The following DGKB variants were observed in gnomAD, a reference collection of about 807,000 sequenced individuals.
The protein encoded by DGKB is diacylglycerol kinase beta.
Under a neutral mutation model 114.3 loss-of-function variants are expected in DGKB, and 67 were observed. That is an observed-to-expected ratio of 0.59 (90% CI 0.48 to 0.72). DGKB has a LOEUF of 0.72. DGKB is among the 30% of genes least tolerant of loss of function. DGKB has a pLI of 0.00. For missense variants in DGKB, 907 were observed against 975.2 expected (o/e 0.93, Z 0.93); for synonymous variants, 398 against 323.1 (o/e 1.23, Z -2.49).
At chr7:14,176,481 C>G in intron 25 of DGKB, 1 of 999,892 alleles carries the variant, frequency 1.0e-6, no homozygotes, top group Non-Finnish European at 1.2e-6. Context: ...GCATTTCTTG[C>G]AAATAATATT....
chr7:14,883,648 T>C (rs1460187919), intron 1 of DGKB, among the ~76,000 whole-genome samples: 1 of 151,914 alleles, frequency 6.6e-6, no homozygotes, highest in East Asian at 1.9e-4. Flanking sequence ...TATTCATACT[T>C]TTGAACAAAT....
At chr7:14,239,902 T>C (rs759862932) in intron 23 of DGKB, among the ~76,000 whole-genome samples, 1 of 152,098 alleles carries the variant, frequency 6.6e-6, no homozygotes, top group Non-Finnish European at 1.5e-5. Flanking sequence ...AGGGGACTAA[T>C]ACGTATCTAT....
chr7:14,426,858 C>T (rs1043370585), intron 21 of DGKB, among the ~76,000 whole-genome samples: 4 of 151,570 alleles, frequency 2.6e-5, no homozygotes, highest in African/African-American at 9.7e-5. Context: ...GGTTTGAGAC[C>T]AGCCTGGCCA....
At chr7:14,153,463 A>C (rs1782523371) in intron 25 of DGKB, among the ~76,000 whole-genome samples, 1 of 152,022 alleles carries the variant, frequency 6.6e-6, no homozygotes, top group African/African-American at 2.4e-5. Context: ...AGCTGTCAAC[A>C]CCCTTATTTT....
intron 25 of DGKB, among the ~76,000 whole-genome samples, chr7:14,164,843 C>T (rs750345636): frequency 6.6e-6 from 1 of 151,992 alleles, no homozygotes; most frequent in Non-Finnish European, 1.5e-5. Flanking sequence ...TATAACAATA[C>T]TTAATATATA....
intron 21 of DGKB, among the ~76,000 whole-genome samples, chr7:14,467,383 T>C (rs1046662511): frequency 6.6e-6 from 1 of 151,020 alleles, no homozygotes; most frequent in Non-Finnish European, 1.5e-5. Flanking sequence ...CAAAGAATCC[T>C]ATTGAACATC....
chr7:14,288,921 G>A (rs746746088), intron 23 of DGKB, among the ~76,000 whole-genome samples: 28 of 152,170 alleles, frequency 1.8e-4, no homozygotes, highest in Non-Finnish European at 8.8e-5. Context: ...GCTTGTGATA[G>A]CATCCACATG....
intron 9 of DGKB, among the ~76,000 whole-genome samples, chr7:14,686,880 CT>C (rs1018559508): frequency 2.0e-5 from 3 of 151,844 alleles, no homozygotes; most frequent in African/African-American, 7.3e-5. Context: ...TTAAGACTAT[CT>C]TTTCAAAGAT....
At chr7:14,608,098 CT>C (rs532968399) in intron 16 of DGKB, among the ~76,000 whole-genome samples, 13 of 151,856 alleles carry the variant, frequency 8.6e-5, no homozygotes, top group Non-Finnish European at 1.8e-4. Context: ...ACAAATAATT[CT>C]TTTTTTCTGA....
intron 21 of DGKB, among the ~76,000 whole-genome samples, chr7:14,358,812 C>G (rs1336281517): frequency 6.6e-6 from 1 of 152,142 alleles, no homozygotes; most frequent in African/African-American, 2.4e-5. Flanking sequence ...AGGTCACAAA[C>G]AAATGGAAGA....
intron 1 of DGKB, among the ~76,000 whole-genome samples, chr7:14,924,072 T>A (rs1784637982): frequency 6.6e-6 from 1 of 151,256 alleles, no homozygotes; most frequent in African/African-American, 2.4e-5. Context: ...TCTGTCTTGA[T>A]TACTAACTAC....
At chr7:14,639,902 C>G (rs554952729) in intron 13 of DGKB, among the ~76,000 whole-genome samples, 1 of 152,152 alleles carries the variant, frequency 6.6e-6, no homozygotes, top group Admixed American at 6.5e-5. Flanking sequence ...ATTTCATATC[C>G]ATGTTACAGT....
intron 23 of DGKB, among the ~76,000 whole-genome samples, chr7:14,216,725 C>CAAAA (rs755191130): frequency 5.6e-4 from 28 of 50,298 alleles, no homozygotes; most frequent in African/African-American, 1.4e-3. Flanking sequence ...GACTCCGTCT[C>CAAAA]AAAAAAAAAA....
chr7:14,537,440 A>G (rs1261374318), intron 20 of DGKB, among the ~76,000 whole-genome samples: 1 of 152,194 alleles, frequency 6.6e-6, no homozygotes, highest in Admixed American at 6.5e-5. Flanking sequence ...AGACAGATCT[A>G]TAGAGCAATG....
intron 20 of DGKB, among the ~76,000 whole-genome samples, chr7:14,494,890 C>T (rs543730642): frequency 2.6e-5 from 4 of 151,902 alleles, no homozygotes; most frequent in African/African-American, 7.2e-5. Flanking sequence ...ATACAATCCA[C>T]GTGGATCTGC....
intron 1 of DGKB, among the ~76,000 whole-genome samples, chr7:14,936,743 C>T (rs561690251): frequency 6.6e-6 from 1 of 152,214 alleles, no homozygotes; most frequent in Admixed American, 6.5e-5. Context: ...CTCTCCCATT[C>T]CCATGTCATC....
chr7:14,166,863 A>G (rs1784683121), intron 25 of DGKB, among the ~76,000 whole-genome samples: 1 of 152,146 alleles, frequency 6.6e-6, no homozygotes, highest in Non-Finnish European at 1.5e-5. Context: ...TCCTACTGGT[A>G]CAAAAATAGG....
chr7:14,185,388 C>T (rs1347284557), intron 23 of DGKB, among the ~76,000 whole-genome samples: 1 of 152,136 alleles, frequency 6.6e-6, no homozygotes, highest in East Asian at 1.9e-4. Context: ...AATGGAAACA[C>T]ATTCCATGCT....
Position 14,816,742 on chromosome 7 carries a change from T to C in DGKB, c.70+24452A>G, listed in dbSNP as rs190116092. 2.9e-4 allele frequency among the ~76,000 whole-genome samples: 44 copies of C among 152,330 alleles called. No individual in the cohort carries two copies. The East Asian group carries it at 3.3e-3, about 11-fold the overall frequency. ...TTTTACATATGCACGAATTTAATTA[T>C]TCCAATAGGATGATATCTACATTCT... On this transcript the variant is annotated intron_variant, in intron 2 of 25. Transcript: ENST00000402815.
Sources: gnomAD v4.1 joint callset for allele counts (sites outside exome capture counted in the v4.1 genomes callset) on GRCh38, gnomAD v4.1.1 for gene constraint, MANE v1.5 for transcripts, NCBI Gene and HGNC (gene_info 2026-07-23, HGNC 2026-07-21) for gene names.